Variants in PRKG1 observed in about 807,000 individuals in gnomAD.
PRKG1 encodes cGMP-dependent protein kinase 1.
PRKG1 carries 35 observed loss-of-function variants against 88.1 expected under a neutral mutation model. The ratio of observed to expected loss-of-function variants is 0.40; its 90% confidence interval spans 0.30 to 0.53. The LOEUF (loss-of-function observed/expected upper bound fraction) is 0.53. Among genes scored for constraint, PRKG1 ranks in the 20% least tolerant of loss-of-function variants. PRKG1 has a pLI of 0.59. For synonymous variants in PRKG1, 303 were observed against 292.5 expected, an observed-to-expected ratio of 1.04 and a Z score of -0.37; for missense variants, 540 against 839.8, an observed-to-expected ratio of 0.64 and a Z score of 4.41.
intron 5 of PRKG1, among the ~76,000 whole-genome samples, chr10:51,943,956 A>C (rs1842967097): frequency 6.6e-6 from 1 of 152,028 alleles, no homozygotes; most frequent in Admixed American, 6.5e-5. Context: ...TATCAGGATG[A>C]TGCTGGCCTC....
intron 2 of PRKG1, among the ~76,000 whole-genome samples, chr10:51,431,485 T>C (rs758488425): frequency 1.3e-5 from 2 of 152,156 alleles, no homozygotes; most frequent in Non-Finnish European, 2.9e-5. Flanking sequence ...TGGCCCTGTG[T>C]TGATTTAGGG....
intron 1 of PRKG1, among the ~76,000 whole-genome samples, chr10:51,076,454 A>G (rs995193913): frequency 1.3e-5 from 2 of 152,226 alleles, no homozygotes; most frequent in Non-Finnish European, 2.9e-5. Flanking sequence ...CAAGTTTTGC[A>G]TAATGAAAAA....
At chr10:51,189,463 C>A (rs113221973) in intron 2 of PRKG1, among the ~76,000 whole-genome samples, 2,796 of 151,844 alleles carry the variant, frequency 0.018, 43 homozygotes, top group Middle Eastern at 0.051. Context: ...TTCCTATGAG[C>A]AAATAAGGTG....
intron 3 of PRKG1, chr10:51,698,635 C>T (rs1841373984): frequency 6.2e-7 from 1 of 1,614,086 alleles, no homozygotes; most frequent in Non-Finnish European, 8.5e-7. Context: ...CTGACATCTG[C>T]ACTTGTCCCC....
At chr10:52,160,011 G>T (rs1371513292) in intron 8 of PRKG1, among the ~76,000 whole-genome samples, 1 of 151,848 alleles carries the variant, frequency 6.6e-6, no homozygotes, top group African/African-American at 2.4e-5. Flanking sequence ...TATACATTCT[G>T]GTGGTGGACG....
chr10:51,708,882 T>C (rs999906851), intron 3 of PRKG1, among the ~76,000 whole-genome samples: 3 of 152,276 alleles, frequency 2.0e-5, no homozygotes, highest in Non-Finnish European at 2.9e-5. Flanking sequence ...AGGGAGCATC[T>C]ATCATCCTGT....
chr10:52,105,511 G>A (rs1051445006), intron 7 of PRKG1, among the ~76,000 whole-genome samples: 5 of 152,198 alleles, frequency 3.3e-5, no homozygotes, highest in Admixed American at 2.6e-4. Context: ...ATGCCGGACT[G>A]CAGAGGGCGT....
At chr10:52,039,002 A>G (rs945811048) in intron 5 of PRKG1, among the ~76,000 whole-genome samples, 4 of 152,202 alleles carry the variant, frequency 2.6e-5, no homozygotes, top group African/African-American at 9.6e-5. Flanking sequence ...TGGGCTGGTC[A>G]GTCTGAGGAC....
intron 4 of PRKG1, among the ~76,000 whole-genome samples, chr10:51,844,367 T>A (rs1388272488): frequency 6.6e-6 from 1 of 152,120 alleles, no homozygotes; most frequent in African/African-American, 2.4e-5. Context: ...GTAAGAGGGT[T>A]GAAAGATTAA....
At chr10:52,247,472 A>G (rs1378787152) in intron 9 of PRKG1, among the ~76,000 whole-genome samples, 1 of 152,178 alleles carries the variant, frequency 6.6e-6, no homozygotes. Context: ...GTTTAATAAA[A>G]TAACAGGTAT....
At chr10:51,333,408 A>C (rs992154478) in intron 2 of PRKG1, among the ~76,000 whole-genome samples, 19 of 152,332 alleles carry the variant, frequency 1.2e-4, no homozygotes, top group African/African-American at 4.6e-4. Context: ...TACTGTTATC[A>C]CCCTCAGTTT....
At chr10:51,345,763 C>T (rs1030391861) in intron 2 of PRKG1, among the ~76,000 whole-genome samples, 2 of 152,098 alleles carry the variant, frequency 1.3e-5, no homozygotes, top group African/African-American at 4.8e-5. Context: ...GTGCTTTGTG[C>T]AAGACTCTCT....
At chr10:51,183,686 T>C (rs1442088916) in intron 2 of PRKG1, among the ~76,000 whole-genome samples, 3 of 152,196 alleles carry the variant, frequency 2.0e-5, no homozygotes, top group African/African-American at 7.2e-5. Flanking sequence ...TTGCATTTTT[T>C]TTCTACTTGC....
At chr10:51,082,866 G>C (rs577450675) in intron 1 of PRKG1, among the ~76,000 whole-genome samples, 2 of 152,138 alleles carry the variant, frequency 1.3e-5, no homozygotes, top group South Asian at 4.2e-4. Flanking sequence ...AATCACCTAG[G>C]GAGCTTTAAA....
intron 3 of PRKG1, among the ~76,000 whole-genome samples, chr10:51,751,148 C>T (rs962398675): frequency 3.3e-5 from 5 of 152,220 alleles, no homozygotes; most frequent in African/African-American, 1.2e-4. Context: ...GACACTTTCT[C>T]TAAGCCCTCA....
chr10:51,149,158 G>T (rs997934746), intron 1 of PRKG1, among the ~76,000 whole-genome samples: 1 of 152,122 alleles, frequency 6.6e-6, no homozygotes, highest in Non-Finnish European at 1.5e-5. Context: ...CAATAGAGAA[G>T]ACAATGGTTG....
intron 2 of PRKG1, among the ~76,000 whole-genome samples, chr10:51,451,472 A>C (rs576382726): frequency 3.9e-5 from 6 of 152,062 alleles, no homozygotes; most frequent in African/African-American, 1.4e-4. Context: ...GGTTTGAATA[A>C]GAGAATGTCA....
At chr10:51,010,938 G>A (rs1344035823) in intron 1 of PRKG1, among the ~76,000 whole-genome samples, 4 of 152,156 alleles carry the variant, frequency 2.6e-5, no homozygotes, top group South Asian at 2.1e-4. Context: ...TTTGATTCTA[G>A]GCTTAGATAA....
intron 1 of PRKG1, among the ~76,000 whole-genome samples, chr10:51,065,878 G>T (rs991340201): frequency 6.6e-6 from 1 of 152,060 alleles, no homozygotes. Flanking sequence ...GTTAGAATGC[G>T]TAATATATAA....
Sources: allele counts gnomAD v4.1 joint callset (sites outside exome capture counted in the v4.1 genomes callset), GRCh38; gene constraint gnomAD v4.1.1; transcripts MANE v1.5; gene names NCBI Gene and HGNC (gene_info 2026-07-23, HGNC 2026-07-21).